Variants in HARS2 observed in about 807,000 individuals in gnomAD.
HARS2 encodes histidine--tRNA ligase, mitochondrial.
HARS2 carries 40 observed loss-of-function variants against 62.4 expected under a neutral mutation model. The ratio of observed to expected loss-of-function variants is 0.64; its 90% CI spans 0.50 to 0.83. HARS2 has a LOEUF of 0.83. HARS2 is among the 40% of genes least tolerant of loss of function. HARS2 has a pLI of 0.00. For synonymous variants in HARS2, 228 were observed against 227.0 expected, an observed-to-expected ratio of 1.00 and a Z score of -0.04; for missense variants, 569 against 626.4, an observed-to-expected ratio of 0.91 and a Z score of 0.98.
At chr5:140,697,121 TC>T in intron 9 of HARS2, 42 bp from the exon 10 acceptor site, 1 of 1,614,022 alleles carries the variant, frequency 6.2e-7, no homozygotes, top group Non-Finnish European at 8.5e-7. Context: ...GCTCTCAGGG[TC>T]CCGAGTCTAG....
rs1221501897 is a variant in HARS2, at chr5:140,695,104, A to G, written c.400-404A>G. Among the ~76,000 whole-genome samples, 4 of 152,152 alleles carry G rather than the reference A, an allele frequency of 2.6e-5. No homozygotes were observed. The East Asian group carries it at 7.7e-4, about 29-fold the overall frequency. ...CCTACAGTCTGCATTTTAAACAAGC[A>G]TCGTGGGTAATTAAGATGCATGTAG... On this transcript the variant is annotated intron_variant, in intron 4 of 12. Coordinates refer to ENST00000230771, the MANE Select transcript of HARS2 (RefSeq NM_012208.4).
rs759905986 is a variant in HARS2, at chr5:140,697,329, A to G, written c.1120A>G (p.Lys374Glu). The change falls in exon 10 of 13, where the codon AAG becomes GAG. Residue 374 changes from lysine (K) to glutamate (E), a missense_variant. Physicochemically the swap from Lys to Glu is moderately conservative, Grantham distance 56. Transcript: ENST00000230771. ...YDGLVGMFDPKGHKVPCVGLS... is the reference protein window; with the variant it reads ...YDGLVGMFDPEGHKVPCVGLS... ...TGGGCTGGTGGGCATGTTTGACCCC[A>G]AGGGCCACAAGGTGCCATGTGTGGG... The G allele has an allele frequency of 2.2e-5, 36 of 1,614,064 alleles. No homozygotes were observed. In the Admixed American group the frequency reaches 5.0e-4, roughly 22 times the overall value.
chr5:140,694,385 C>G (rs1759668626), intron 4 of HARS2, 105 bp downstream of exon 4: 2 of 806,354 alleles, frequency 2.5e-6, no homozygotes, highest in Admixed American at 1.8e-5. Context: ...GGTCCATTGC[C>G]TATACTTCTA....
At position 140,694,142 on chromosome 5, in the gene HARS2, A is replaced by G. The variant is rs1418484894; in HGVS notation, c.304-43A>G. 5 of 1,603,870 alleles carry G rather than the reference A, an allele frequency of 3.1e-6. No homozygotes were observed. The South Asian group carries it at 5.5e-5, about 18-fold the overall frequency. ...AAAGGGCTTCTCATCTGTGTTTTGG[A>G]GTCATGCTTTCAACTGTGGCTCATT... On this transcript the variant is annotated intron_variant, in intron 3 of 12. Transcript: ENST00000230771.
rs767759812 is a variant in HARS2, at chr5:140,695,526, C to T, written c.418C>T (p.Leu140=). ...YDLTVPFARY[L]AMNKVKKMKR... is the part of the protein sequence containing the mutation. ...ATGTGAGGTTCCCTTTGCTCGTTAT[C>T]TGGCCATGAATAAGGTGAAGAAGAT... The change falls in exon 5 of 13, where the codon CTG becomes TTG. Residue 140 remains leucine, a synonymous_variant. Coordinates refer to ENST00000230771, the MANE Select transcript of HARS2 (RefSeq NM_012208.4). 6.2e-7 allele frequency: 1 copy of T among 1,614,122 alleles called. No homozygotes were observed. The highest frequency in any genetic ancestry group is 8.5e-7 in the Non-Finnish European group (1 of 1,180,020).
intron 1 of HARS2, among the ~76,000 whole-genome samples, chr5:140,692,487 C>T (rs560369960): frequency 5.2e-4 from 79 of 152,272 alleles, no homozygotes; most frequent in Middle Eastern, 6.8e-3. Context: ...TCAAGAAATC[C>T]ATATCTTATC....
Position 140,694,110 on chromosome 5 carries a change from G to T in HARS2, c.303+56G>T. ...TCACTCACTTCTTCAATGGCGTTCA[G>T]TGTCCCAAAGGGCTTCTCATCTGTG... is the stretch of plus-strand genomic sequence containing the variant. On this transcript the variant is annotated intron_variant, in intron 3 of 12. Coordinates refer to ENST00000230771, the MANE Select transcript of HARS2 (RefSeq NM_012208.4). The T allele has an allele frequency of 7.4e-6, 12 of 1,611,132 alleles. No individual in the cohort carries two copies. The South Asian group carries it at 1.2e-4, about 16-fold the overall frequency.
intron 1 of HARS2, chr5:140,692,205 G>A (rs1013372562): frequency 5.2e-6 from 1 of 191,166 alleles, no homozygotes; most frequent in South Asian, 8.1e-5. Context: ...ATGTCAGAGA[G>A]TTTTGGATTT....
Position 140,696,927 on chromosome 5 carries a change from C to CT in HARS2, c.827-13dup. 6.2e-7 allele frequency: 1 copy of CT among 1,601,012 alleles called. No homozygotes were observed. The highest frequency in any genetic ancestry group is 1.1e-5 in the South Asian group (1 of 90,614). ...AACACATGTGAGTGAACAGCAGAGA[C>CT]TTTATTTCTCTCCAGGTGGGGTATC... On this transcript the variant is annotated splice_polypyrimidine_tract_variant and intron_variant, in intron 8 of 12. Transcript: ENST00000230771.
intron 1 of HARS2, chr5:140,693,377 T>C: frequency 1.1e-6 from 1 of 916,054 alleles, no homozygotes; most frequent in Non-Finnish European, 1.7e-6. Context: ...GCTTGTGTGG[T>C]GAAGACCTGA....
At chr5:140,693,692 A>T in intron 2 of HARS2, 27 bp downstream of exon 2, 1 of 1,574,592 alleles carries the variant, frequency 6.4e-7, no homozygotes, top group Non-Finnish European at 8.7e-7. Context: ...ACCCTATCCC[A>T]TTAGAGTGCC....
At chr5:140,692,874 A>T (rs1166643429) in intron 1 of HARS2, among the ~76,000 whole-genome samples, 1 of 151,858 alleles carries the variant, frequency 6.6e-6, no homozygotes, top group African/African-American at 2.4e-5. Flanking sequence ...CCTGGGCGAC[A>T]GAGTAAGACT....
chr5:140,695,573 G>C lies in HARS2; in HGVS notation c.465G>C (p.Lys155Asn), dbSNP rs569706792. 1 of 1,614,206 alleles carries C rather than the reference G, an allele frequency of 6.2e-7. No individual in the cohort carries two copies. Among genetic ancestry groups the C allele is most frequent in the Admixed American group, 1.7e-5 (1 of 60,022 alleles). The stretch of plus-strand genomic sequence containing the variant: ...AGATGAAACGTTATCATGTTGGAAA[G>C]GTGTGGCGGCGAGAGAGCCCAACCA... ...VKKMKRYHVG[K>N]VWRRESPTIV... The change falls in exon 5 of 13, where the codon AAG becomes AAC. Residue 155 changes from lysine (K) to asparagine (N), a missense_variant. By Grantham distance (94) the Lys-to-Asn change is moderately conservative. Coordinates refer to ENST00000230771, the MANE Select transcript of HARS2 (RefSeq NM_012208.4).
In HARS2 at chr5:140,691,770, A is replaced by C; in HGVS notation, c.108+14A>C. 1.3e-6 allele frequency: 2 copies of C among 1,516,916 alleles called. No homozygotes were observed. The highest frequency in any genetic ancestry group is 1.8e-6 in the Non-Finnish European group (2 of 1,115,882). The allele number at this position is 1,516,916 out of a possible 1,614,324, so 94.0% of individuals were successfully genotyped here. A position where few individuals can be genotyped will look rare whatever the true frequency, so the allele number is the denominator to read the frequency against. ...TGCCAAAGCCAGGTGAGCGAGACAG[A>C]ATTATCTCTGGTCTGTCCCAGCAGG... On this transcript the variant is annotated intron_variant, in intron 1 of 12. Transcript: ENST00000230771.
At position 140,695,736 on chromosome 5, in the gene HARS2, A is replaced by G. The variant is rs1195601098; in HGVS notation, c.526-2A>G. 6.2e-7 allele frequency: 1 copy of G among 1,613,618 alleles called. No individual in the cohort carries two copies. Among genetic ancestry groups the G allele is most frequent in the East Asian group, 2.2e-5 (1 of 44,882 alleles). ...TTTTTCCCATCTTTTTCTTTGCTGT[A>G]GGATTTTGACATTGCTGGTCAGTTT... On this transcript the variant is annotated splice_acceptor_variant, in intron 5 of 12. Coordinates refer to ENST00000230771, the MANE Select transcript of HARS2 (RefSeq NM_012208.4). LOFTEE classifies it high-confidence loss of function.
At chr5:140,693,461 GA>G in intron 1 of HARS2, 129 bp from the exon 2 acceptor site, 1 of 1,570,332 alleles carries the variant, frequency 6.4e-7, no homozygotes, top group Non-Finnish European at 8.7e-7. Context: ...TGGGATAGAT[GA>G]AATGGTGCTT....
Position 140,698,786 on chromosome 5 carries a change from C to G in HARS2, c.*234C>G, listed in dbSNP as rs568507257. On this transcript the variant is annotated 3_prime_UTR_variant, in exon 13 of 13. Transcript: ENST00000230771. The stretch of plus-strand genomic sequence containing the variant: ...TGGCTGGATGTGAAAGAGACATGCT[C>G]TAGCTGCAGAGGCAAATTTGAAGTG... The G allele has an allele frequency of 1.3e-4, 74 of 577,550 alleles. 1 individual carries two copies. Among genetic ancestry groups the G allele is most frequent in the East Asian group, 8.1e-4 (27 of 33,246 alleles). The allele number at this position is 577,550 out of a possible 1,614,324, so 35.8% of individuals were successfully genotyped here. A position where few individuals can be genotyped will look rare whatever the true frequency, so the allele number is the denominator to read the frequency against.
intron 8 of HARS2, 60 bp downstream of exon 8, chr5:140,696,674 A>G (rs966853576): frequency 1.3e-5 from 15 of 1,156,672 alleles, no homozygotes; most frequent in Middle Eastern, 3.8e-4. Flanking sequence ...ATGTGCTCAA[A>G]TTCTACCTCT....
chr5:140,696,286 T>C (rs1759738844), intron 7 of HARS2, 85 bp downstream of exon 7: 2 of 1,069,020 alleles, frequency 1.9e-6, no homozygotes, highest in East Asian at 2.4e-5. Context: ...AATAAGGAGA[T>C]TGTGGCTGGA....
Sources: gnomAD v4.1 joint callset for allele counts (sites outside exome capture counted in the v4.1 genomes callset) on GRCh38, gnomAD v4.1.1 for gene constraint, MANE v1.5 for transcripts, NCBI Gene and HGNC (gene_info 2026-07-23, HGNC 2026-07-21) for gene names.